SEMA3D: variants seen among roughly 807,000 people sequenced by gnomAD.
The protein encoded by SEMA3D is semaphorin-3D.
Under a neutral mutation model 100.1 loss-of-function variants are expected in SEMA3D, and 84 were observed. The observed-to-expected ratio is 0.84, with a 90% CI of 0.70 to 1.01. The LOEUF (loss-of-function observed/expected upper bound fraction) is 1.01, where lower values mean the gene tolerates loss of function less well. Ranked by LOEUF, SEMA3D falls within the 50% of genes least tolerant of loss-of-function variation. SEMA3D has a pLI of 0.00. For missense variants in SEMA3D, 875 were observed against 934.1 expected (o/e 0.94, Z 0.82); for synonymous variants, 312 against 320.7 (o/e 0.97, Z 0.29).
chr7:85,173,282 T>C (rs926033482), intron 1 of SEMA3D, among the ~76,000 whole-genome samples: 1 of 152,008 alleles, frequency 6.6e-6, no homozygotes, highest in Non-Finnish European at 1.5e-5. Context: ...AGGAAATAAG[T>C]CTGGGAATTC....
the SEMA3D span, among the ~76,000 whole-genome samples, chr7:85,215,687 CATTT>C: frequency 2.0e-5 from 3 of 152,142 alleles, no homozygotes; most frequent in East Asian, 3.9e-4. Context: ...ATTAAATATA[CATTT>C]ATTAATTCAT....
intron 1 of SEMA3D, among the ~76,000 whole-genome samples, chr7:85,178,952 T>C (rs1791320531): frequency 6.6e-6 from 1 of 152,164 alleles, no homozygotes; most frequent in Non-Finnish European, 1.5e-5. Flanking sequence ...AGGCCATTGC[T>C]TAAGAGGGTG....
chr7:85,148,306 T>G (rs1790273367), intron 2 of SEMA3D, among the ~76,000 whole-genome samples: 1 of 152,178 alleles, frequency 6.6e-6, no homozygotes. Context: ...TATTTTTTAC[T>G]ATTCATCTTA....
chr7:85,062,943 A>G (rs1791516639), intron 8 of SEMA3D, among the ~76,000 whole-genome samples: 1 of 152,136 alleles, frequency 6.6e-6, no homozygotes, highest in South Asian at 2.1e-4. Flanking sequence ...ACAAAATGCT[A>G]AAGAGATAGT....
At chr7:85,204,079 AACT>A in the SEMA3D span, among the ~76,000 whole-genome samples, 8 of 152,176 alleles carry the variant, frequency 5.3e-5, no homozygotes, top group African/African-American at 1.9e-4. Context: ...ATTTTAAAAT[AACT>A]ACTTTTTATA....
intron 3 of SEMA3D, among the ~76,000 whole-genome samples, chr7:85,112,051 A>G (rs1187544057): frequency 2.0e-5 from 3 of 152,076 alleles, no homozygotes; most frequent in Non-Finnish European, 4.4e-5. Context: ...TTTTCTCCAT[A>G]GTGTTGGTCA....
chr7:85,162,623 G>T (rs1046775106), intron 1 of SEMA3D, among the ~76,000 whole-genome samples: 3 of 152,134 alleles, frequency 2.0e-5, no homozygotes, highest in Admixed American at 6.6e-5. Flanking sequence ...ACACTCTAAA[G>T]ATGCAGTGGA....
chr7:85,087,967 T>C (rs1324955654), intron 4 of SEMA3D, among the ~76,000 whole-genome samples: 1 of 152,174 alleles, frequency 6.6e-6, no homozygotes, highest in Non-Finnish European at 1.5e-5. Flanking sequence ...AGTTTAAACA[T>C]ATTCTTAAAA....
chr7:85,091,468 T>C (rs1048227759), intron 4 of SEMA3D, among the ~76,000 whole-genome samples: 1 of 151,458 alleles, frequency 6.6e-6, no homozygotes, highest in African/African-American at 2.4e-5. Flanking sequence ...CAGAGAGTAT[T>C]GCATATTTTT....
intron 2 of SEMA3D, among the ~76,000 whole-genome samples, chr7:85,152,902 A>G (rs748666384): frequency 6.6e-6 from 1 of 152,130 alleles, no homozygotes; most frequent in Non-Finnish European, 1.5e-5. Context: ...CTAGCAGCCT[A>G]AGGAACTGGG....
At chr7:85,037,092 T>C in intron 11 of SEMA3D, 59 bp from the exon 12 acceptor site, 1 of 1,550,776 alleles carries the variant, frequency 6.4e-7, no homozygotes, top group Non-Finnish European at 8.8e-7. Flanking sequence ...AAACATTGAC[T>C]GAGCACATAC....
intron 12 of SEMA3D, among the ~76,000 whole-genome samples, chr7:85,035,666 A>G (rs1028178373): frequency 1.3e-5 from 2 of 152,050 alleles, no homozygotes; most frequent in African/African-American, 4.8e-5. Context: ...CTGCTGTACA[A>G]CATTGTACCT....
intron 9 of SEMA3D, among the ~76,000 whole-genome samples, chr7:85,051,609 T>C (rs1791167347): frequency 6.6e-6 from 1 of 151,948 alleles, no homozygotes; most frequent in Admixed American, 6.6e-5. Context: ...CTTCAAGATC[T>C]GCCAGTGTAC....
At chr7:85,203,812 A>C in the SEMA3D span, among the ~76,000 whole-genome samples, 1 of 151,648 alleles carries the variant, frequency 6.6e-6, no homozygotes, top group African/African-American at 2.4e-5. Context: ...CAGGGGGAAA[A>C]CAAAAACAAA....
At chr7:85,116,799 T>A (rs939795462) in intron 3 of SEMA3D, among the ~76,000 whole-genome samples, 1 of 152,126 alleles carries the variant, frequency 6.6e-6, no homozygotes, top group Non-Finnish European at 1.5e-5. Flanking sequence ...TGGTATAGAG[T>A]GAAGATTGAG....
the SEMA3D span, among the ~76,000 whole-genome samples, chr7:85,219,234 G>C: frequency 0.028 from 4,244 of 151,542 alleles, 86 homozygotes; most frequent in South Asian, 0.07. Flanking sequence ...GCCCACAGAG[G>C]GAAAAAAAAG....
chr7:85,120,522 A>C (rs1216406744), intron 3 of SEMA3D, among the ~76,000 whole-genome samples: 2 of 151,678 alleles, frequency 1.3e-5, no homozygotes, highest in Non-Finnish European at 2.9e-5. Flanking sequence ...ACAAAAATTA[A>C]CCAAGCATGG....
chr7:85,024,595 C>T (rs554296608), intron 12 of SEMA3D, among the ~76,000 whole-genome samples: 1 of 151,980 alleles, frequency 6.6e-6, no homozygotes, highest in South Asian at 2.1e-4. Flanking sequence ...GAAGGAAAAC[C>T]TGGTTTCTAT....
the SEMA3D span, among the ~76,000 whole-genome samples, chr7:85,235,738 A>T: frequency 6.6e-6 from 1 of 152,192 alleles, no homozygotes; most frequent in Admixed American, 6.5e-5. Context: ...TGTGTGTCAG[A>T]AGGTGAAAAT....
Sources: gnomAD v4.1 joint callset for allele counts (sites outside exome capture counted in the v4.1 genomes callset) on GRCh38, gnomAD v4.1.1 for gene constraint, MANE v1.5 for transcripts, NCBI Gene and HGNC (gene_info 2026-07-23, HGNC 2026-07-21) for gene names.